Variants in PACRG observed in about 807,000 individuals in gnomAD.
PACRG encodes parkin coregulated gene protein.
A neutral mutation model predicts 29.7 loss-of-function variants in PACRG; 29 were observed. The observed-to-expected ratio is 0.98, with a 90% CI of 0.73 to 1.33. PACRG has a LOEUF of 1.33. Ranked by LOEUF, PACRG falls within the 40% of genes most tolerant of loss-of-function variation. PACRG has a pLI of 0.00. For missense variants in PACRG, 279 were observed against 316.2 expected, an observed-to-expected ratio of 0.88 and a Z score of 0.89; for synonymous variants, 116 against 118.7, an observed-to-expected ratio of 0.98 and a Z score of 0.15.
intron 2 of PACRG, among the ~76,000 whole-genome samples, chr6:162,999,237 G>A (rs1042575015): frequency 6.6e-6 from 1 of 152,326 alleles, no homozygotes. Flanking sequence ...CTTATTGGTA[G>A]GAAGCAGTCA....
At chr6:163,086,484 G>A (rs1236213629) in intron 3 of PACRG, among the ~76,000 whole-genome samples, 2 of 152,206 alleles carry the variant, frequency 1.3e-5, no homozygotes, top group Non-Finnish European at 1.5e-5. Flanking sequence ...TTATATTTAG[G>A]TTGGTTCCCT....
chr6:162,830,471 A>G (rs1305435432), intron 2 of PACRG, among the ~76,000 whole-genome samples: 1 of 152,196 alleles, frequency 6.6e-6, no homozygotes, highest in Non-Finnish European at 1.5e-5. Flanking sequence ...TCCCCTCTTC[A>G]GGGCTGTGCT....
At chr6:163,122,996 C>T (rs775866657) in intron 4 of PACRG, among the ~76,000 whole-genome samples, 7 of 152,144 alleles carry the variant, frequency 4.6e-5, no homozygotes, top group Non-Finnish European at 8.8e-5. Context: ...GACAAGGACA[C>T]CCGTGGAGTG....
intron 4 of PACRG, among the ~76,000 whole-genome samples, chr6:163,224,240 G>A (rs1781695976): frequency 6.6e-6 from 1 of 151,536 alleles, no homozygotes; most frequent in Non-Finnish European, 1.5e-5. Context: ...ACAGTGACAG[G>A]CACCTGTAAT....
chr6:163,165,763 A>G (rs1778774187), intron 4 of PACRG: 2 of 245,880 alleles, frequency 8.1e-6, no homozygotes, highest in Non-Finnish European at 8.1e-6. Context: ...AGCCTGGCAG[A>G]AAGGGGAAAG....
intron 2 of PACRG, among the ~76,000 whole-genome samples, chr6:162,992,457 G>T (rs1275797400): frequency 2.0e-5 from 3 of 149,202 alleles, no homozygotes; most frequent in African/African-American, 4.9e-5. Flanking sequence ...CTTCTTCCTG[G>T]TTTAATCTTG....
At chr6:162,786,789 T>C (rs1784497822) in intron 1 of PACRG, among the ~76,000 whole-genome samples, 1 of 152,098 alleles carries the variant, frequency 6.6e-6, no homozygotes, top group Non-Finnish European at 1.5e-5. Flanking sequence ...CTTTTTAATG[T>C]TTTGAAGGTT....
intron 2 of PACRG, among the ~76,000 whole-genome samples, chr6:163,048,779 G>A (rs1809677628): frequency 6.6e-6 from 1 of 151,992 alleles, no homozygotes. Flanking sequence ...AAATATATGG[G>A]GGTGTTAAAA....
intron 2 of PACRG, among the ~76,000 whole-genome samples, chr6:162,950,226 G>C (rs966619374): frequency 6.6e-6 from 1 of 152,122 alleles, no homozygotes; most frequent in Non-Finnish European, 1.5e-5. Flanking sequence ...GGCTGGGCAC[G>C]GTGGCTCACG....
At chr6:163,230,605 G>A (rs558664726) in intron 4 of PACRG, among the ~76,000 whole-genome samples, 9 of 152,172 alleles carry the variant, frequency 5.9e-5, no homozygotes, top group South Asian at 2.1e-4. Flanking sequence ...CTCATTCCAC[G>A]GCCTTTAAGA....
chr6:162,833,671 G>A (rs1384856145), intron 2 of PACRG, among the ~76,000 whole-genome samples: 2 of 151,570 alleles, frequency 1.3e-5, no homozygotes, highest in South Asian at 4.2e-4. Flanking sequence ...TTTGAGAATT[G>A]TTTGTTCATG....
Position 163,241,577 on chromosome 6 carries a change from C to A in PACRG, c.614-73250C>A, listed in dbSNP as rs575862906. Reference sequence around the variant, plus strand: ...AAAAGGACCTGGAGGGCTGAGCTGGCAGCTGAAAAGGCAGGGTACCAGGAG... The same window carrying A: ...AAAAGGACCTGGAGGGCTGAGCTGGAAGCTGAAAAGGCAGGGTACCAGGAG... On this transcript the variant is annotated intron_variant, in intron 4 of 4. Transcript: ENST00000366888. 1.3e-5 allele frequency among the ~76,000 whole-genome samples: 2 copies of A among 152,126 alleles called. 1 individual carries two copies. Among genetic ancestry groups the A allele is most frequent in the South Asian group, 4.1e-4 (2 of 4,824 alleles).
chr6:163,226,755 G>A (rs936457577), intron 4 of PACRG, among the ~76,000 whole-genome samples: 1 of 152,216 alleles, frequency 6.6e-6, no homozygotes, highest in African/African-American at 2.4e-5. Context: ...GGGAGAACCT[G>A]TTCTCTAGGA....
intron 1 of PACRG, among the ~76,000 whole-genome samples, chr6:162,785,434 C>G (rs1221279852): frequency 2.6e-5 from 4 of 152,046 alleles, no homozygotes; most frequent in Non-Finnish European, 5.9e-5. Context: ...AAGCAAGAAG[C>G]GAACTGTGAA....
At chr6:163,058,922 A>G (rs1466120756) in intron 2 of PACRG, among the ~76,000 whole-genome samples, 1 of 148,656 alleles carries the variant, frequency 6.7e-6, no homozygotes, top group Non-Finnish European at 1.5e-5. Context: ...AACAAACAAA[A>G]AACAAAATTA....
At chr6:162,762,889 T>C (rs1782489215) in intron 1 of PACRG, among the ~76,000 whole-genome samples, 1 of 152,220 alleles carries the variant, frequency 6.6e-6, no homozygotes, top group African/African-American at 2.4e-5. Flanking sequence ...TTTATACTAG[T>C]TTACCATATA....
chr6:162,953,390 A>C (rs1489661808), intron 2 of PACRG, among the ~76,000 whole-genome samples: 2 of 152,200 alleles, frequency 1.3e-5, no homozygotes, highest in Admixed American at 1.3e-4. Flanking sequence ...CTTTTAATGT[A>C]TGTAGATCAG....
At chr6:163,119,183 G>A (rs1016306622) in intron 4 of PACRG, among the ~76,000 whole-genome samples, 1 of 152,218 alleles carries the variant, frequency 6.6e-6, no homozygotes, top group Non-Finnish European at 1.5e-5. Flanking sequence ...GCCACAGAGG[G>A]GACAACTGCA....
chr6:162,785,168 C>CAGAGAGAGAGAGAG (rs71008111), intron 1 of PACRG, among the ~76,000 whole-genome samples: 3 of 138,026 alleles, frequency 2.2e-5, no homozygotes, highest in Non-Finnish European at 3.2e-5. Context: ...ATGAGGGAGG[C>CAGAGAGAGAGAGAG]AGAGAGAGAG....
Sources: gnomAD v4.1 joint callset for allele counts (sites outside exome capture counted in the v4.1 genomes callset) on GRCh38, gnomAD v4.1.1 for gene constraint, MANE v1.5 for transcripts, NCBI Gene and HGNC (gene_info 2026-07-23, HGNC 2026-07-21) for gene names.